The following NRXN3 variants were observed in gnomAD, a reference collection of about 807,000 sequenced individuals.
The protein encoded by NRXN3 is neurexin III.
Under a neutral mutation model 137.6 loss-of-function variants are expected in NRXN3, and 32 were observed. The observed-to-expected ratio is 0.23, with a 90% CI of 0.18 to 0.31. The LOEUF is 0.31. Among genes scored for constraint, NRXN3 ranks in the 10% least tolerant of loss-of-function variants. The pLI is 1.00. For missense variants in NRXN3, 1,574 were observed against 2,062.5 expected, an observed-to-expected ratio of 0.76 and a Z score of 4.59; for synonymous variants, 798 against 784.5, an observed-to-expected ratio of 1.02 and a Z score of -0.29.
At chr14:78,755,110 C>T (rs1218803371) in intron 8 of NRXN3, among the ~76,000 whole-genome samples, 1 of 152,060 alleles carries the variant, frequency 6.6e-6, no homozygotes, top group Non-Finnish European at 1.5e-5. Flanking sequence ...CACTGTCACC[C>T]CCGGGCTAAA....
intron 4 of NRXN3, among the ~76,000 whole-genome samples, chr14:78,581,589 T>C (rs898582472): frequency 6.6e-6 from 1 of 152,268 alleles, no homozygotes; most frequent in African/African-American, 2.4e-5. Flanking sequence ...ATAGCATTTC[T>C]TCTCTACAGG....
chr14:78,998,599 ATT>A (rs113146494), intron 15 of NRXN3, among the ~76,000 whole-genome samples: 6,302 of 140,008 alleles, frequency 0.045, 351 homozygotes, highest in African/African-American at 0.14. Context: ...GCTACATTAA[ATT>A]TTTTTTTTTT....
intron 8 of NRXN3, among the ~76,000 whole-genome samples, chr14:78,784,176 G>T (rs1425943308): frequency 2.0e-5 from 3 of 152,082 alleles, no homozygotes; most frequent in Non-Finnish European, 2.9e-5. Flanking sequence ...TAGGGGAATT[G>T]GGGAATACCT....
chr14:78,649,166 T>C, intron 5 of NRXN3: 1 of 715,580 alleles, frequency 1.4e-6, no homozygotes, highest in Non-Finnish European at 2.2e-6. Flanking sequence ...AACCGACTAA[T>C]GTACTAACAC....
chr14:78,988,017 A>C lies in NRXN3; in HGVS notation c.3143-5A>C, dbSNP rs1598273091. On this transcript the variant is annotated splice_region_variant and splice_polypyrimidine_tract_variant and intron_variant, in intron 14 of 20. Transcript: ENST00000335750. ...TTTTTTTCCCCTCTTCTTGTGCATT[A>C]CTAGGACCCAGTACCACCTGCCAGG... 1.2e-6 allele frequency: 2 copies of C among 1,613,172 alleles called. No homozygotes were observed. Among genetic ancestry groups the C allele is most frequent in the Non-Finnish European group, 1.7e-6 (2 of 1,179,640 alleles).
intron 15 of NRXN3, among the ~76,000 whole-genome samples, chr14:79,170,856 C>A (rs1371205688): frequency 3.3e-5 from 5 of 152,024 alleles, no homozygotes; most frequent in African/African-American, 1.2e-4. Flanking sequence ...ACTGACCCAA[C>A]CTCATGGGTT....
rs559502677 is a variant in NRXN3 at position 79,127,099 on chromosome 14, C to T, written c.3262+138958C>T. ...AGCCCTTTGTCAGATGAGTAGGTTG[C>T]GAAAATTTTCTCCCATTTTGTGGGT... is the stretch of plus-strand genomic sequence containing the variant. On this transcript the variant is annotated intron_variant, in intron 15 of 20. Transcript: ENST00000335750. Among the ~76,000 whole-genome samples the T allele has an allele frequency of 3.8e-3, 572 of 152,024 alleles. 2 individuals carry two copies. The highest frequency in any genetic ancestry group is 0.013 in the African/African-American group (544 of 41,466).
At chr14:78,219,762 T>C (rs1210467190) in intron 1 of NRXN3, among the ~76,000 whole-genome samples, 1 of 152,188 alleles carries the variant, frequency 6.6e-6, no homozygotes, top group Non-Finnish European at 1.5e-5. Flanking sequence ...CTGGGAGTGA[T>C]CTCTTTAAAT....
intron 16 of NRXN3, among the ~76,000 whole-genome samples, chr14:79,622,219 A>T (rs2098231968): frequency 6.6e-6 from 1 of 152,208 alleles, no homozygotes. Flanking sequence ...GAGACATGTG[A>T]CATGGATTTG....
At chr14:79,661,086 G>A (rs1272717044) in intron 16 of NRXN3, among the ~76,000 whole-genome samples, 2 of 152,042 alleles carry the variant, frequency 1.3e-5, no homozygotes, top group Non-Finnish European at 2.9e-5. Context: ...TTAGCTATGG[G>A]CATGAAAAGT....
intron 19 of NRXN3, among the ~76,000 whole-genome samples, chr14:79,793,334 G>A (rs1243961559): frequency 6.6e-6 from 1 of 152,170 alleles, no homozygotes; most frequent in African/African-American, 2.4e-5. Context: ...AGAATGGCGT[G>A]AACCCGGGAG....
rs1385650960 is a variant in NRXN3, at chr14:78,926,900, AAT to A, written c.2276-30334_2276-30333del. ...ATATAATATATTTATATATATATAT[AAT>A]ATATATAATATATATATAATATATA... On this transcript the variant is annotated intron_variant, in intron 10 of 20. Coordinates refer to ENST00000335750, the MANE Select transcript of NRXN3 (RefSeq NM_001330195.2). 7.9e-4 allele frequency among the ~76,000 whole-genome samples: 19 copies of A among 24,146 alleles called. 1 individual carries two copies. The highest frequency in any genetic ancestry group is 1.0e-3 in the Non-Finnish European group (18 of 17,276). The allele number at this position is 24,146 out of a possible 152,430, so 15.8% of individuals were successfully genotyped here.
At chr14:79,283,653 G>A (rs776747437) in intron 15 of NRXN3, among the ~76,000 whole-genome samples, 5 of 151,850 alleles carry the variant, frequency 3.3e-5, no homozygotes, top group South Asian at 4.2e-4. Context: ...TCTCACATTA[G>A]GATTGTGTTT....
chr14:78,768,321 C>A lies in NRXN3; in HGVS notation c.2045-35299C>A, dbSNP rs2098715521. Among the ~76,000 whole-genome samples the A allele has an allele frequency of 2.6e-5, 4 of 152,084 alleles. No homozygotes were observed. In the South Asian group the frequency reaches 8.3e-4, roughly 32 times the overall value. ...GTCTCATTATTTTTGTAAAAGAACA[C>A]CTTGTGCCTGTTCTTGGGCTCAATT... On this transcript the variant is annotated intron_variant, in intron 8 of 20. Coordinates refer to ENST00000335750, the MANE Select transcript of NRXN3 (RefSeq NM_001330195.2).
intron 16 of NRXN3, among the ~76,000 whole-genome samples, chr14:79,553,429 T>G (rs893009021): frequency 6.6e-6 from 1 of 152,126 alleles, no homozygotes; most frequent in African/African-American, 2.4e-5. Context: ...AGCCAAAAAT[T>G]ACACCCAGGT....
At chr14:79,127,134 A>G (rs1033503979) in intron 15 of NRXN3, among the ~76,000 whole-genome samples, 9 of 151,620 alleles carry the variant, frequency 5.9e-5, no homozygotes, top group African/African-American at 2.2e-4. Context: ...TTGCCCGTTC[A>G]CTCTGATCGT....
intron 4 of NRXN3, among the ~76,000 whole-genome samples, chr14:78,528,990 C>T (rs2096421144): frequency 6.6e-6 from 1 of 152,126 alleles, no homozygotes; most frequent in Non-Finnish European, 1.5e-5. Context: ...CCTTATTTTT[C>T]ACATGAAGAA....
At chr14:79,458,533 G>A (rs543459117) in intron 15 of NRXN3, among the ~76,000 whole-genome samples, 2 of 152,254 alleles carry the variant, frequency 1.3e-5, no homozygotes, top group South Asian at 2.1e-4. Context: ...TAGTTCAACA[G>A]CATTTATTTC....
chr14:78,929,092 G>A (rs2099314407), intron 10 of NRXN3, among the ~76,000 whole-genome samples: 1 of 152,120 alleles, frequency 6.6e-6, no homozygotes, highest in African/African-American at 2.4e-5. Flanking sequence ...CTGCATAAAT[G>A]TCTTCTTTTG....
Sources: gnomAD v4.1 joint callset for allele counts (sites outside exome capture counted in the v4.1 genomes callset) on GRCh38, gnomAD v4.1.1 for gene constraint, MANE v1.5 for transcripts, NCBI Gene and HGNC (gene_info 2026-07-23, HGNC 2026-07-21) for gene names.